Variants in FHOD3 observed in about 807,000 individuals in gnomAD.
FHOD3 encodes the protein formin homology 2 domain containing 3.
Under a neutral mutation model 173.0 loss-of-function variants are expected in FHOD3, and 90 were observed. That is an observed-to-expected ratio of 0.52 (90% CI 0.44 to 0.62). FHOD3 has a LOEUF of 0.62. Among genes scored for constraint, FHOD3 ranks in the 20% least tolerant of loss-of-function variants. The pLI is 0.00. For synonymous variants in FHOD3, 828 were observed against 823.0 expected (o/e 1.01, Z -0.10); for missense variants, 1,945 against 2,034.7 (o/e 0.96, Z 0.85).
intron 14 of FHOD3, among the ~76,000 whole-genome samples, chr18:36,679,355 T>C (rs1040674872): frequency 6.6e-6 from 1 of 151,912 alleles, no homozygotes; most frequent in Admixed American, 6.5e-5. Context: ...AAACCAGCTT[T>C]TAGTTTTGTT....
Position 36,744,170 on chromosome 18 carries a change from G to C in FHOD3, c.4018G>C (p.Gly1340Arg). The change falls in exon 23 of 29, where the codon GGG (glycine) becomes CGG (arginine). Residue 1340 changes from glycine to arginine, a missense_variant. Gly to Arg is a moderately radical substitution (Grantham distance 125). Around this residue, in one of 5 missense-constraint regions of FHOD3, gnomAD observed 231 missense variants for 321.9 expected, o/e 0.72. Transcript: ENST00000590592. ...PDSSDLYSEI[G>R]AITRSAKVDF... ...CAGCTCCGATCTGTACTCGGAGATCGGGGCCATCACCAGGTCAGCCAAGGT... is the reference window on the plus strand; with the variant it reads ...CAGCTCCGATCTGTACTCGGAGATCCGGGCCATCACCAGGTCAGCCAAGGT... The C allele has an allele frequency of 6.2e-7, 1 of 1,613,796 alleles. No individual in the cohort carries two copies. The highest frequency in any genetic ancestry group is 8.5e-7 in the Non-Finnish European group (1 of 1,179,886).
intron 16 of FHOD3, chr18:36,692,924 C>G (rs1180963733): frequency 2.3e-6 from 1 of 438,788 alleles, no homozygotes; most frequent in Non-Finnish European, 4.1e-6. Context: ...TACAAATGTT[C>G]CCTAAAAGAG....
chr18:36,546,984 C>G (rs1334137233), intron 5 of FHOD3, among the ~76,000 whole-genome samples: 1 of 152,198 alleles, frequency 6.6e-6, no homozygotes, highest in Non-Finnish European at 1.5e-5. Flanking sequence ...TGGCTTCAGA[C>G]TAGAGCATCA....
intron 5 of FHOD3, among the ~76,000 whole-genome samples, chr18:36,570,152 A>G (rs1204984789): frequency 6.6e-6 from 1 of 152,118 alleles, no homozygotes; most frequent in South Asian, 2.1e-4. Flanking sequence ...ACCAACAAGA[A>G]TGACAAATGA....
At chr18:36,518,323 T>A (rs2056099834) in intron 5 of FHOD3, among the ~76,000 whole-genome samples, 1 of 152,182 alleles carries the variant, frequency 6.6e-6, no homozygotes, top group Non-Finnish European at 1.5e-5. Flanking sequence ...TGGAGGAAGC[T>A]CTTTCCTGCC....
intron 14 of FHOD3, among the ~76,000 whole-genome samples, chr18:36,676,527 G>A (rs1473286025): frequency 6.6e-6 from 1 of 152,106 alleles, no homozygotes; most frequent in East Asian, 1.9e-4. Flanking sequence ...GCATGCAAAA[G>A]TTACTTTCTA....
At chr18:36,712,953 G>A (rs2040251702) in intron 18 of FHOD3, among the ~76,000 whole-genome samples, 1 of 152,122 alleles carries the variant, frequency 6.6e-6, no homozygotes, top group African/African-American at 2.4e-5. Flanking sequence ...AGGCTAGCAG[G>A]AAGGGGCGCA....
intron 26 of FHOD3, 44 bp downstream of exon 26, chr18:36,759,185 T>TA (rs1264524085): frequency 1.1e-5 from 17 of 1,518,776 alleles, no homozygotes; most frequent in Non-Finnish European, 1.4e-5. Context: ...TTTTACCACC[T>TA]CATGTATGCT....
At chr18:36,672,438 C>T (rs1008836349) in intron 14 of FHOD3, among the ~76,000 whole-genome samples, 1 of 152,074 alleles carries the variant, frequency 6.6e-6, no homozygotes, top group African/African-American at 2.4e-5. Flanking sequence ...CATTTGATAT[C>T]TAGCAATTGT....
At chr18:36,590,964 G>A (rs2059196970) in intron 6 of FHOD3, among the ~76,000 whole-genome samples, 2 of 152,196 alleles carry the variant, frequency 1.3e-5, no homozygotes, top group African/African-American at 4.8e-5. Flanking sequence ...AGCTAATGGG[G>A]GGAGTGGGTT....
At chr18:36,517,624 C>A (rs941474970) in intron 5 of FHOD3, among the ~76,000 whole-genome samples, 10 of 152,114 alleles carry the variant, frequency 6.6e-5, no homozygotes, top group African/African-American at 2.4e-4. Context: ...TCATCTAAAC[C>A]AAAATACCAA....
At chr18:36,722,455 T>C (rs1180890576) in intron 19 of FHOD3, among the ~76,000 whole-genome samples, 2 of 152,202 alleles carry the variant, frequency 1.3e-5, no homozygotes, top group Non-Finnish European at 1.5e-5. Flanking sequence ...TGTCTTACTC[T>C]CTTGCATTCA....
At chr18:36,601,025 G>A (rs1162288189) in intron 7 of FHOD3, among the ~76,000 whole-genome samples, 1 of 152,208 alleles carries the variant, frequency 6.6e-6, no homozygotes, top group African/African-American at 2.4e-5. Context: ...GAGACCCAAG[G>A]CCTGCTGATC....
At chr18:36,538,414 G>T (rs898068551) in intron 5 of FHOD3, among the ~76,000 whole-genome samples, 21 of 152,192 alleles carry the variant, frequency 1.4e-4, no homozygotes, top group Non-Finnish European at 3.1e-4. Context: ...AAAATGGATA[G>T]ACCTGTAGCA....
chr18:36,380,463 T>TCCTCCCTTCATTCCCCTC (rs2047685047), intron 3 of FHOD3, among the ~76,000 whole-genome samples: 1 of 141,368 alleles, frequency 7.1e-6, no homozygotes, highest in African/African-American at 2.6e-5. Context: ...CTCACTCCCT[T>TCCTCCCTTCATTCCCCTC]CCTCCCTTCA....
chr18:36,341,793 G>A (rs1042324882), intron 1 of FHOD3, among the ~76,000 whole-genome samples: 2 of 152,088 alleles, frequency 1.3e-5, no homozygotes, highest in African/African-American at 4.8e-5. Flanking sequence ...AAGAAGCTAA[G>A]GAAAATCCTC....
chr18:36,569,631 C>T (rs2058385905), intron 5 of FHOD3, among the ~76,000 whole-genome samples: 2 of 152,104 alleles, frequency 1.3e-5, no homozygotes, highest in Admixed American at 6.6e-5. Context: ...ACAGAGAATA[C>T]ATATTACTTT....
intron 17 of FHOD3, among the ~76,000 whole-genome samples, chr18:36,705,206 C>A (rs1050056040): frequency 1.6e-4 from 24 of 152,098 alleles, no homozygotes; most frequent in African/African-American, 5.8e-4. Flanking sequence ...CAACACACAG[C>A]GCTGGTTGCC....
chr18:36,576,640 C>A, intron 6 of FHOD3, 95 bp downstream of exon 6: 1 of 902,688 alleles, frequency 1.1e-6, no homozygotes, highest in South Asian at 1.8e-5. Context: ...AAATTTTATT[C>A]AGCTTTTTTC....
Sources: allele counts gnomAD v4.1 joint callset (sites outside exome capture counted in the v4.1 genomes callset), GRCh38; gene constraint gnomAD v4.1.1; regional missense constraint gnomAD v4.1.1; transcripts MANE v1.5; gene names NCBI Gene and HGNC (gene_info 2026-07-23, HGNC 2026-07-21).